The following RNF175 variants were observed in gnomAD, a reference collection of about 807,000 sequenced individuals.
The protein encoded by RNF175 is ring finger protein 175.
A neutral mutation model predicts 50.0 loss-of-function variants in RNF175; 38 were observed. That is an observed-to-expected ratio of 0.76 (90% CI 0.59 to 1.00). The LOEUF is 1.00. RNF175 is among the 50% of genes least tolerant of loss of function. The pLI, the probability that RNF175 is intolerant of heterozygous loss-of-function variation, is 0.00. For missense variants in RNF175, 388 were observed against 409.6 expected (o/e 0.95, Z 0.46); for synonymous variants, 155 against 146.1 (o/e 1.06, Z -0.44).
chr4:153,718,234 G>GTTTTTTTT (rs1276542726), intron 6 of RNF175, among the ~76,000 whole-genome samples: 2 of 64,258 alleles, frequency 3.1e-5, no homozygotes, highest in African/African-American at 1.2e-4. Flanking sequence ...TTGTTTGTTT[G>GTTTTTTTT]TTTGTTTTTT....
chr4:153,710,725 C>T (rs984759369), intron 8 of RNF175, among the ~76,000 whole-genome samples: 42 of 152,042 alleles, frequency 2.8e-4, no homozygotes, highest in African/African-American at 9.7e-4. Flanking sequence ...AAATCCCAAA[C>T]TAGAAAACAA....
chr4:153,735,227 ATT>A (rs3068858), intron 3 of RNF175, among the ~76,000 whole-genome samples: 3 of 141,034 alleles, frequency 2.1e-5, no homozygotes, highest in Non-Finnish European at 1.5e-5. Flanking sequence ...GTCTGTGTCT[ATT>A]TTTTTTTTTT....
In RNF175 at chr4:153,724,741, G is replaced by T. The variant is rs562670859; in HGVS notation, c.402-1283C>A. On this transcript the variant is annotated intron_variant, in intron 4 of 8. Transcript: ENST00000347063. ...CAGAAGGGACCTTCTGAACATCATG[G>T]TTTAAATGGGTTGTGGGCTAGCTCC... 4.6e-5 allele frequency among the ~76,000 whole-genome samples: 7 copies of T among 152,108 alleles called. No individual in the cohort carries two copies. In the South Asian group the frequency reaches 1.5e-3, roughly 32 times the overall value.
chr4:153,759,769 C>G, intron 1 of RNF175, 28 bp downstream of exon 1: 2 of 1,440,566 alleles, frequency 1.4e-6, no homozygotes, highest in Non-Finnish European at 1.8e-6. Context: ...GCCTGGCGTC[C>G]CCCACGCCCG....
At chr4:153,715,467 G>C in intron 7 of RNF175, 62 bp downstream of exon 7, 1 of 1,484,630 alleles carries the variant, frequency 6.7e-7, no homozygotes, top group Non-Finnish European at 9.2e-7. Context: ...GGAGGAGGAG[G>C]AGGAGAAGGA....
intron 5 of RNF175, 112 bp downstream of exon 5, chr4:153,723,239 T>C (rs1264471313): frequency 6.7e-6 from 4 of 597,752 alleles, no homozygotes; most frequent in Non-Finnish European, 1.2e-5. Flanking sequence ...CTATAAAACA[T>C]GTGTGCATGG....
intron 1 of RNF175, among the ~76,000 whole-genome samples, chr4:153,756,129 T>G (rs1217834750): frequency 1.3e-5 from 2 of 152,216 alleles, no homozygotes; most frequent in Non-Finnish European, 2.9e-5. Context: ...CATGAACATA[T>G]GTCACTGAAA....
intron 3 of RNF175, among the ~76,000 whole-genome samples, chr4:153,739,901 T>G (rs1398458627): frequency 6.6e-6 from 1 of 152,174 alleles, no homozygotes; most frequent in Non-Finnish European, 1.5e-5. Context: ...TCTTGAAAAA[T>G]TATTGGTCAT....
chr4:153,751,648 C>T (rs890532596), intron 1 of RNF175, among the ~76,000 whole-genome samples, 173 bp from the exon 2 acceptor site: 1 of 152,002 alleles, frequency 6.6e-6, no homozygotes, highest in East Asian at 1.9e-4. Flanking sequence ...TAAAACAACA[C>T]AAACAAAAAA....
rs778665049 is a variant in RNF175 at position 153,720,147 on chromosome 4, G to A, written c.630+37C>T. On this transcript the variant is annotated intron_variant, in intron 6 of 8. Coordinates refer to ENST00000347063, the MANE Select transcript of RNF175 (RefSeq NM_173662.4). ...GTAAGATGAGACCATTTCTCTTTGT[G>A]TCATACATGGTTTCAGAAAATGAAA... is the stretch of plus-strand genomic sequence containing the variant. The A allele has an allele frequency of 4.4e-6, 7 of 1,606,092 alleles. No individual in the cohort carries two copies. In the Admixed American group the frequency reaches 1.0e-4, roughly 23 times the overall value.
chr4:153,718,113 G>A (rs954468419), intron 6 of RNF175, among the ~76,000 whole-genome samples: 11 of 151,980 alleles, frequency 7.2e-5, no homozygotes, highest in African/African-American at 2.7e-4. Context: ...ATACAGGATG[G>A]AGTCTTTTCA....
intron 5 of RNF175, 63 bp downstream of exon 5, chr4:153,723,288 T>C: frequency 2.5e-6 from 2 of 793,206 alleles, no homozygotes; most frequent in South Asian, 1.5e-5. Flanking sequence ...TAAGAGAACA[T>C]GACCAGGTGA....
intron 5 of RNF175, among the ~76,000 whole-genome samples, chr4:153,722,656 C>T (rs960113443): frequency 7.2e-5 from 11 of 151,954 alleles, no homozygotes; most frequent in African/African-American, 2.7e-4. Flanking sequence ...GTATCCCCAA[C>T]ACAAGGCATT....
intron 3 of RNF175, among the ~76,000 whole-genome samples, chr4:153,736,189 C>A (rs990847723): frequency 2.3e-4 from 35 of 152,300 alleles, no homozygotes; most frequent in African/African-American, 8.4e-4. Flanking sequence ...CTAGACCTTG[C>A]CAAATGCTTC....
At chr4:153,734,824 C>T (rs995492922) in intron 3 of RNF175, among the ~76,000 whole-genome samples, 20 of 151,786 alleles carry the variant, frequency 1.3e-4, no homozygotes, top group Non-Finnish European at 2.5e-4. Flanking sequence ...TACAGGCACC[C>T]GCCACCACAC....
rs529988656 is a variant in RNF175, at chr4:153,726,167, G to A, written c.401+2040C>T. 5.3e-4 allele frequency among the ~76,000 whole-genome samples: 81 copies of A among 152,088 alleles called. 2 individuals carry two copies. In the South Asian group the frequency reaches 0.014, roughly 26 times the overall value. On this transcript the variant is annotated intron_variant, in intron 4 of 8. Coordinates refer to ENST00000347063, the MANE Select transcript of RNF175 (RefSeq NM_173662.4). The stretch of plus-strand genomic sequence containing the variant: ...GTTGCCCAGGCTGGAGTGCAGTGGC[G>A]TGACCCTGGCTCACTGCAACCTTTG...
chr4:153,712,598 G>C, intron 7 of RNF175, 22 bp from the exon 8 acceptor site: 1 of 1,510,180 alleles, frequency 6.6e-7, no homozygotes, highest in Non-Finnish European at 9.2e-7. Flanking sequence ...TGTTAGGGAG[G>C]CTTCTAGATA....
At chr4:153,723,074 C>T (rs1473040420) in intron 5 of RNF175, 1 of 213,196 alleles carries the variant, frequency 4.7e-6, no homozygotes, top group Admixed American at 5.2e-5. Context: ...TACTCTAGCA[C>T]AATTGTAGGT....
chr4:153,720,982 A>C (rs1461090708), intron 5 of RNF175, among the ~76,000 whole-genome samples: 2 of 152,238 alleles, frequency 1.3e-5, no homozygotes, highest in Admixed American at 1.3e-4. Context: ...GAGACTTAGA[A>C]AACATTATTT....
Sources: gnomAD v4.1 joint callset for allele counts (sites outside exome capture counted in the v4.1 genomes callset) on GRCh38, gnomAD v4.1.1 for gene constraint, MANE v1.5 for transcripts, NCBI Gene and HGNC (gene_info 2026-07-23, HGNC 2026-07-21) for gene names.